TNS1: variants seen among roughly 807,000 people sequenced by gnomAD.
TNS1 encodes tensin-1.
In TNS1, 62 loss-of-function variants were observed where a neutral mutation model predicts 168.6. That is an observed-to-expected ratio of 0.37 (90% CI 0.30 to 0.45). The LOEUF is 0.45. TNS1 is among the 20% of genes least tolerant of loss of function. The pLI, the probability that TNS1 is intolerant of heterozygous loss-of-function variation, is 1.00. For missense variants in TNS1, 2,240 were observed against 2,339.4 expected (o/e 0.96, Z 0.88); for synonymous variants, 934 against 933.2 (o/e 1.00, Z -0.02).
chr2:217,897,968 T>C lies in TNS1; in HGVS notation c.373A>G (p.Asn125Asp). The C allele has an allele frequency of 6.2e-7, 1 of 1,601,742 alleles. No individual in the cohort carries two copies. Among genetic ancestry groups the C allele is most frequent in the Non-Finnish European group, 8.5e-7 (1 of 1,174,138 alleles). The part of the protein sequence containing the change: ...SVQPHLQPIR[N>D]MSVSRTMEDS... ...TCCATGGTCCGGCTCACACTCATGTTTCTAGGGAGACAGCAGGCAGCGGAG... is the reference window on the plus strand; with the variant it reads ...TCCATGGTCCGGCTCACACTCATGTCTCTAGGGAGACAGCAGGCAGCGGAG... The change falls in exon 8 of 33, where the codon AAC (asparagine) becomes GAC (aspartate). Residue 125 changes from asparagine (N) to aspartate (D), a missense_variant and splice_region_variant. Transcript: ENST00000682258.
At chr2:217,930,164 A>G (rs376287523) in intron 3 of TNS1, among the ~76,000 whole-genome samples, 1 of 152,030 alleles carries the variant, frequency 6.6e-6, no homozygotes, top group African/African-American at 2.4e-5. Flanking sequence ...AATACGGCGC[A>G]CTCTGAGCTA....
Position 217,804,350 on chromosome 2 carries a change from C to A in TNS1, c.*109G>T. ...CCACGTTGCACTTTCTTCTCTCCTC[C>A]GAAATTGGCCCAAAGTCCTCCTTCT... On this transcript the variant is annotated 3_prime_UTR_variant, in exon 33 of 33. Transcript: ENST00000682258. 6.9e-7 allele frequency: 1 copy of A among 1,439,510 alleles called. No homozygotes were observed. Among genetic ancestry groups the A allele is most frequent in the Non-Finnish European group, 9.4e-7 (1 of 1,058,854 alleles). The allele number at this position is 1,439,510 out of a possible 1,614,324, so 89.2% of individuals were successfully genotyped here. A position where few individuals can be genotyped will look rare whatever the true frequency, so the allele number is the denominator to read the frequency against.
intron 4 of TNS1, among the ~76,000 whole-genome samples, chr2:217,909,481 G>C (rs1392545319): frequency 6.6e-6 from 1 of 151,870 alleles, no homozygotes; most frequent in East Asian, 1.9e-4. Flanking sequence ...AATAGGCCTC[G>C]ACCCTCAGCA....
At chr2:217,991,661 C>T (rs570110007) in intron 1 of TNS1, among the ~76,000 whole-genome samples, 7 of 152,188 alleles carry the variant, frequency 4.6e-5, no homozygotes, top group Non-Finnish European at 8.8e-5. Flanking sequence ...CTCTGCCGTG[C>T]GCCGTCCCAT....
chr2:217,955,900 G>C (rs1487338232), intron 3 of TNS1, among the ~76,000 whole-genome samples: 3 of 152,150 alleles, frequency 2.0e-5, no homozygotes, highest in African/African-American at 7.2e-5. Flanking sequence ...CAGAGACAGG[G>C]GACTCTCAGC....
In TNS1 at chr2:217,937,166, AAC is replaced by A. The variant is rs1382338311; in HGVS notation, c.187-16932_187-16931del. Reference sequence around the variant, plus strand: ...TGACATTCCCACTGCGTTTTGCAGCAACACTCTGTCTACTCCCCTACTCCCCT... The same window carrying A: ...TGACATTCCCACTGCGTTTTGCAGCAACTCTGTCTACTCCCCTACTCCCCT... On this transcript the variant is annotated intron_variant, in intron 3 of 32. Transcript: ENST00000682258. The A allele has an allele frequency of 2.3e-5, 9 of 385,934 alleles. No individual in the cohort carries two copies. The African/African-American group carries it at 2.4e-4, about 10-fold the overall frequency. The allele number at this position is 385,934 out of a possible 1,614,324, so 23.9% of individuals were successfully genotyped here.
chr2:217,886,236 G>C, intron 13 of TNS1, 132 bp from the exon 14 acceptor site: 1 of 930,684 alleles, frequency 1.1e-6, no homozygotes, highest in Non-Finnish European at 1.6e-6. Context: ...GGGGAAGGAG[G>C]AAAAGAGGAA....
chr2:217,887,042 C>T lies in TNS1; in HGVS notation c.867-396G>A, dbSNP rs567238719. Among the ~76,000 whole-genome samples the T allele has an allele frequency of 7.9e-5, 12 of 152,304 alleles. No homozygotes were observed. In the South Asian group the frequency reaches 2.5e-3, roughly 32 times the overall value. ...CAAGGCAGGCCCAACCACCAAACAG[C>T]TCTGACGCCCTCACACCCCCACACA... On this transcript the variant is annotated intron_variant, in intron 12 of 32. Transcript: ENST00000682258.
chr2:217,805,088 TC>T (rs976351797), intron 32 of TNS1, among the ~76,000 whole-genome samples: 1 of 151,418 alleles, frequency 6.6e-6, no homozygotes, highest in Non-Finnish European at 1.5e-5. Context: ...CTCACACCCC[TC>T]CACACACACA....
intron 3 of TNS1, among the ~76,000 whole-genome samples, chr2:217,923,353 A>C (rs1178103386): frequency 6.6e-6 from 1 of 152,166 alleles, no homozygotes; most frequent in Non-Finnish European, 1.5e-5. Context: ...TAGCAATAAA[A>C]ATCACAGCAG....
At chr2:217,947,210 T>C (rs1448457193) in intron 3 of TNS1, among the ~76,000 whole-genome samples, 1 of 142,154 alleles carries the variant, frequency 7.0e-6, no homozygotes, top group African/African-American at 2.5e-5. Context: ...CCAGTTGCGG[T>C]TGGTCCCTTC....
chr2:217,804,639 G>T (rs1484247845), intron 32 of TNS1, 36 bp from the exon 33 acceptor site: 1 of 1,611,808 alleles, frequency 6.2e-7, no homozygotes, highest in Admixed American at 1.7e-5. Context: ...ATGAGGGAAG[G>T]GCAAGTGGAA....
At position 217,818,547 on chromosome 2, in the gene TNS1, G is replaced by A. The variant is rs375633988; in HGVS notation, c.3785C>T (p.Pro1262Leu). Residue 1262 changes from proline to leucine, a missense_variant, in exon 24 of 33, where the codon CCG becomes CTG. By Grantham distance (98) the Pro-to-Leu change is moderately conservative. Coordinates refer to ENST00000682258, the MANE Select transcript of TNS1 (RefSeq NM_001387777.1). ...GAACTGAGCTCGAGCCTGGCTTTCC[G>A]GAGAGGAGCTGAAATGCTGAAGTGA... The part of the protein sequence containing the change: ...DYSLQHFSSS[P>L]ESQARAQFSV... 1.5e-3 allele frequency: 2,410 copies of A among 1,614,190 alleles called. 37 individuals are homozygous for A. In the South Asian group the frequency reaches 0.023, roughly 16 times the overall value.
Position 217,848,473 on chromosome 2 carries a change from C to T in TNS1, c.2044G>A (p.Gly682Arg). The T allele has an allele frequency of 5.0e-6, 8 of 1,613,334 alleles. No individual in the cohort carries two copies. Among genetic ancestry groups the T allele is most frequent in the Non-Finnish European group, 5.9e-6 (7 of 1,179,486 alleles). ...SYPMEPMVNG[G>R]GYPYESASRA... ...CTGGCAGACTCGTAGGGGTAGCCTCCTCCATTGACCATAGGCTCCATGGGG... is the reference window on the plus strand; with the variant it reads ...CTGGCAGACTCGTAGGGGTAGCCTCTTCCATTGACCATAGGCTCCATGGGG... The change falls in exon 19 of 33, where the codon GGA becomes AGA. Residue 682 changes from glycine to arginine, a missense_variant. Around this residue, in one of 2 missense-constraint regions of TNS1, gnomAD observed 2,131 missense variants for 2,171.2 expected, o/e 0.98. Coordinates refer to ENST00000682258, the MANE Select transcript of TNS1 (RefSeq NM_001387777.1).
At chr2:217,980,880 G>A (rs74989682) in intron 2 of TNS1, among the ~76,000 whole-genome samples, 3 of 152,124 alleles carry the variant, frequency 2.0e-5, no homozygotes, top group South Asian at 4.2e-4. Context: ...GCACCCCATC[G>A]TTCCCTGGAC....
chr2:217,861,036 C>T (rs906844654), intron 18 of TNS1, among the ~76,000 whole-genome samples: 8 of 152,194 alleles, frequency 5.3e-5, no homozygotes, highest in African/African-American at 1.7e-4. Context: ...TTTGAAAATG[C>T]TCCCCAGCTG....
At chr2:217,985,803 T>C (rs963239338) in intron 2 of TNS1, among the ~76,000 whole-genome samples, 1 of 151,822 alleles carries the variant, frequency 6.6e-6, no homozygotes, top group African/African-American at 2.4e-5. Context: ...AGGGTCAGAG[T>C]GGGGATTTGA....
rs1958594055 is a variant in TNS1 at position 218,002,946 on chromosome 2, TG to T, written c.-75del. On this transcript the variant is annotated 5_prime_UTR_variant, in exon 1 of 33. The change abolishes the stop of an existing upstream ORF in the 5' untranslated region. Transcript: ENST00000682258. ...CCTGAAGCTAGAGTCCCCGCGGCGCTGGCAGAAGGGCTCTCTGAGTCCGCGG... is the reference window on the plus strand; with the variant it reads ...CCTGAAGCTAGAGTCCCCGCGGCGCTGCAGAAGGGCTCTCTGAGTCCGCGG... 8.8e-6 allele frequency: 4 copies of T among 456,186 alleles called. No individual in the cohort carries two copies. The highest frequency in any genetic ancestry group is 8.0e-5 in the African/African-American group (4 of 50,036). The allele number at this position is 456,186 out of a possible 1,614,324, so 28.3% of individuals were successfully genotyped here.
chr2:217,906,239 G>C (rs1953677679), intron 6 of TNS1, 96 bp downstream of exon 6: 1 of 673,634 alleles, frequency 1.5e-6, no homozygotes. Flanking sequence ...GGTAAAGGAA[G>C]CCCACGAAAC....
Sources: gnomAD v4.1 joint callset for allele counts (sites outside exome capture counted in the v4.1 genomes callset) on GRCh38, gnomAD v4.1.1 for gene constraint, gnomAD v4.1.1 regional missense constraint, MANE v1.5 for transcripts, NCBI Gene and HGNC (gene_info 2026-07-23, HGNC 2026-07-21) for gene names.